DRG1: variants seen among roughly 807,000 people sequenced by gnomAD.
DRG1 encodes developmentally regulated GTP binding protein 1.
In DRG1, 19 loss-of-function variants were observed where a neutral mutation model predicts 38.8. The observed-to-expected ratio is 0.49, with a 90% confidence interval of 0.34 to 0.72. The LOEUF (loss-of-function observed/expected upper bound fraction) is 0.72. Among genes scored for constraint, DRG1 ranks in the 30% least tolerant of loss-of-function variants. The pLI, the probability that DRG1 is intolerant of heterozygous loss-of-function variation, is 0.01. For synonymous variants in DRG1, 167 were observed against 157.5 expected, an observed-to-expected ratio of 1.06 and a Z score of -0.45; for missense variants, 299 against 444.8, an observed-to-expected ratio of 0.67 and a Z score of 2.95.
intron 6 of DRG1, among the ~76,000 whole-genome samples, chr22:31,425,919 A>G (rs2050107598): frequency 6.6e-6 from 1 of 152,222 alleles, no homozygotes; most frequent in Non-Finnish European, 1.5e-5. Flanking sequence ...TTTACAAGTG[A>G]GGCAGTTAAA....
chr22:31,414,990 G>A (rs979623721), intron 4 of DRG1, among the ~76,000 whole-genome samples: 2 of 151,868 alleles, frequency 1.3e-5, no homozygotes, highest in Non-Finnish European at 2.9e-5. Flanking sequence ...TGTTCAGGGT[G>A]GTCTCGAAAA....
At position 31,423,299 on chromosome 22, in the gene DRG1, A is replaced by T; in HGVS notation, c.602A>T (p.Asp201Val). Residue 201 changes from aspartate (D) to valine (V), a missense_variant, in exon 6 of 9, where the codon GAT becomes GTT. Transcript: ENST00000331457. ...TTTCAGTGCCCCCAGAGTGAGCTGG[A>T]TGCTGAAACTGTGAAGAGCATTCTG... The part of the protein sequence containing the change: ...LTATCPQSEL[D>V]AETVKSILAE... 1 of 1,614,026 alleles carries T rather than the reference A, an allele frequency of 6.2e-7. No individual in the cohort carries two copies. The highest frequency in any genetic ancestry group is 8.5e-7 in the Non-Finnish European group (1 of 1,180,008).
intron 8 of DRG1, among the ~76,000 whole-genome samples, chr22:31,432,429 G>GTT (rs556570663): frequency 2.4e-4 from 33 of 135,716 alleles, no homozygotes; most frequent in African/African-American, 5.4e-4. Flanking sequence ...GTGTGTGTGT[G>GTT]TTTTTTTTTT....
chr22:31,409,637 C>G (rs908211813), intron 3 of DRG1, among the ~76,000 whole-genome samples: 1 of 152,066 alleles, frequency 6.6e-6, no homozygotes, highest in Admixed American at 6.6e-5. Flanking sequence ...CAGCTGATAC[C>G]TGCTGTAAGG....
intron 8 of DRG1, among the ~76,000 whole-genome samples, chr22:31,432,909 A>G (rs1481755725): frequency 6.6e-6 from 1 of 151,758 alleles, no homozygotes; most frequent in Non-Finnish European, 1.5e-5. Context: ...ATATAACAAC[A>G]ATATGGCCAC....
rs530095731 is a variant in DRG1 at position 31,402,830 on chromosome 22, A to T, written c.167-199A>T. 4.6e-5 allele frequency among the ~76,000 whole-genome samples: 7 copies of T among 152,164 alleles called. No homozygotes were observed. In the East Asian group the frequency reaches 1.2e-3, roughly 25 times the overall value. ...TGACTTTTTTGAATACAGTTTTTTT[A>T]TATCAAACACTGCATTGAATTTTGT... On this transcript the variant is annotated intron_variant, in intron 2 of 8. Transcript: ENST00000331457.
chr22:31,413,949 T>G (rs997124993), intron 4 of DRG1, among the ~76,000 whole-genome samples: 3 of 152,026 alleles, frequency 2.0e-5, no homozygotes, highest in Admixed American at 6.6e-5. Context: ...CACATATGAC[T>G]TCCCTGTTGT....
At chr22:31,407,739 C>T (rs959167111) in intron 3 of DRG1, among the ~76,000 whole-genome samples, 5 of 149,128 alleles carry the variant, frequency 3.4e-5, no homozygotes, top group Non-Finnish European at 7.4e-5. Context: ...TGTCTCGCAC[C>T]TGCTAAATCA....
At chr22:31,430,991 T>C (rs898128627) in intron 8 of DRG1, among the ~76,000 whole-genome samples, 8 of 146,878 alleles carry the variant, frequency 5.4e-5, no homozygotes, top group African/African-American at 1.8e-4. Context: ...GTGCTGGGAT[T>C]ACAGACACTA....
rs1455982904 is a variant in DRG1, at chr22:31,427,115, T to C, written c.937T>C (p.Tyr313His). ...TTACACATCCCCAGTGGTGCTTCCT[T>C]ACTCCAGGACCACAGTGGAGGATTT... ...PDYTSPVVLP[Y>H]SRTTVEDFCM... The change falls in exon 8 of 9, where the codon TAC becomes CAC. Residue 313 changes from tyrosine to histidine, a missense_variant. Tyr to His is a moderately conservative substitution (Grantham distance 83). Around this residue, in one of 3 missense-constraint regions of DRG1, gnomAD observed 198 missense variants for 268.1 expected, o/e 0.74. Coordinates refer to ENST00000331457, the MANE Select transcript of DRG1 (RefSeq NM_004147.4). The C allele has an allele frequency of 4.3e-6, 7 of 1,614,010 alleles. No individual in the cohort carries two copies. The highest frequency in any genetic ancestry group is 5.9e-6 in the Non-Finnish European group (7 of 1,180,008).
intron 2 of DRG1, among the ~76,000 whole-genome samples, chr22:31,401,583 C>CAAAA (rs951167073): frequency 1.5e-4 from 8 of 53,728 alleles, no homozygotes; most frequent in African/African-American, 5.1e-4. Context: ...GACTCTGTCT[C>CAAAA]AAAAAAAAAA....
At chr22:31,433,382 T>C (rs1601538291) in intron 8 of DRG1, among the ~76,000 whole-genome samples, 1 of 151,616 alleles carries the variant, frequency 6.6e-6, no homozygotes, top group East Asian at 1.9e-4. Flanking sequence ...GCCATTCTTC[T>C]GCCTCAGCCT....
chr22:31,399,896 C>T (rs934148760), intron 1 of DRG1, among the ~76,000 whole-genome samples, 171 bp downstream of exon 1: 1 of 152,120 alleles, frequency 6.6e-6, no homozygotes, highest in Non-Finnish European at 1.5e-5. Flanking sequence ...GTCCCCGACT[C>T]TCCTCAGTCA....
chr22:31,430,823 A>C (rs1429180316), intron 8 of DRG1, among the ~76,000 whole-genome samples: 1 of 151,728 alleles, frequency 6.6e-6, no homozygotes, highest in Non-Finnish European at 1.5e-5. Context: ...GGCTCAAGCG[A>C]TCCTCCTACC....
intron 3 of DRG1, among the ~76,000 whole-genome samples, chr22:31,407,685 C>CTTTTTTT (rs71319190): frequency 7.3e-6 from 1 of 137,220 alleles, no homozygotes; most frequent in Admixed American, 7.4e-5. Context: ...TTTCATTTTT[C>CTTTTTTT]TTTTTTTTTT....
chr22:31,403,585 T>G (rs563535392), intron 3 of DRG1, among the ~76,000 whole-genome samples: 4 of 152,284 alleles, frequency 2.6e-5, no homozygotes, highest in South Asian at 4.1e-4. Context: ...GAGAATCGCT[T>G]GAACTACTTT....
chr22:31,416,075 G>A (rs2050043018), intron 4 of DRG1, among the ~76,000 whole-genome samples: 1 of 152,038 alleles, frequency 6.6e-6, no homozygotes, highest in Non-Finnish European at 1.5e-5. Context: ...TCCCAGCACA[G>A]AGGCAGGCAG....
At chr22:31,403,587 AACT>A (rs2049974245) in intron 3 of DRG1, among the ~76,000 whole-genome samples, 1 of 152,122 alleles carries the variant, frequency 6.6e-6, no homozygotes, top group Non-Finnish European at 1.5e-5. Flanking sequence ...GAATCGCTTG[AACT>A]ACTTTTTCAC....
chr22:31,426,547 T>C, intron 6 of DRG1, 68 bp from the exon 7 acceptor site: 1 of 1,423,740 alleles, frequency 7.0e-7, no homozygotes, highest in Non-Finnish European at 9.6e-7. Context: ...GAGGGTGTGC[T>C]GTTCAACAGT....
Sources: allele counts gnomAD v4.1 joint callset (sites outside exome capture counted in the v4.1 genomes callset), GRCh38; gene constraint gnomAD v4.1.1; regional missense constraint gnomAD v4.1.1; transcripts MANE v1.5; gene names NCBI Gene and HGNC (gene_info 2026-07-23, HGNC 2026-07-21).